Variants in TXNDC11 observed in about 807,000 individuals in gnomAD.
TXNDC11 encodes the protein thioredoxin domain-containing protein 11.
TXNDC11 carries 68 observed loss-of-function variants against 78.0 expected under a neutral mutation model. The observed-to-expected ratio is 0.87, with a 90% CI of 0.72 to 1.07. TXNDC11 has a LOEUF of 1.07. Among genes scored for constraint, TXNDC11 ranks in the 50% least tolerant of loss-of-function variants. The pLI is 0.00. For synonymous variants in TXNDC11, 571 were observed against 495.2 expected, an observed-to-expected ratio of 1.15 and a Z score of -2.03; for missense variants, 1,389 against 1,221.8, an observed-to-expected ratio of 1.14 and a Z score of -2.04.
At chr16:11,734,134 C>A (rs1339270656) in intron 2 of TXNDC11, 55 bp from the exon 3 acceptor site, 13 of 1,139,164 alleles carry the variant, frequency 1.1e-5, no homozygotes, top group Non-Finnish European at 1.5e-5. Flanking sequence ...GAAAAGTTAC[C>A]AAGATTTAAA....
At chr16:11,704,380 C>T (rs1486447351) in intron 5 of TXNDC11, among the ~76,000 whole-genome samples, 3 of 152,142 alleles carry the variant, frequency 2.0e-5, no homozygotes, top group Non-Finnish European at 2.9e-5. Context: ...GCAAGATCCA[C>T]TGATGGAGGC....
chr16:11,742,629 G>A lies in TXNDC11; in HGVS notation c.102C>T (p.Ser34=). 6.8e-7 allele frequency: 1 copy of A among 1,462,378 alleles called. No homozygotes were observed. The highest frequency in any genetic ancestry group is 9.0e-7 in the Non-Finnish European group (1 of 1,113,168). The allele number at this position is 1,462,378 out of a possible 1,614,324, so 90.6% of individuals were successfully genotyped here. The change falls in exon 1 of 12, where the codon AGC becomes AGT. Residue 34 remains serine (S), a synonymous_variant. Coordinates refer to ENST00000283033, the MANE Select transcript of TXNDC11 (RefSeq NM_015914.7). Reference sequence around the variant, plus strand: ...ACGCTGTGGCCAGGGTCGGGCTCGAGCTGAGGCAGTCTGAGCCCGCGGGGC... The same window carrying A: ...ACGCTGTGGCCAGGGTCGGGCTCGAACTGAGGCAGTCTGAGCCCGCGGGGC... ...GGGPAGSDCL[S]SSPTLATASS...
chr16:11,742,250 A>G, intron 1 of TXNDC11: 1 of 438,676 alleles, frequency 2.3e-6, no homozygotes, highest in South Asian at 5.0e-5. Flanking sequence ...AAGCGGGACG[A>G]TAGGGCGCAG....
chr16:11,716,482 G>A lies in TXNDC11; in HGVS notation c.793+5095C>T, dbSNP rs2051530264. 1.3e-5 allele frequency among the ~76,000 whole-genome samples: 2 copies of A among 152,172 alleles called. 1 individual carries two copies. The highest frequency in any genetic ancestry group is 4.1e-4 in the South Asian group (2 of 4,834). On this transcript the variant is annotated intron_variant, in intron 5 of 11. Transcript: ENST00000283033. ...GAACAGGCTTTGCAGTCCTGGAGGA[G>A]TAAAGTACAAGAGAGCTGATTTCCT... is the stretch of plus-strand genomic sequence containing the variant.
intron 7 of TXNDC11, among the ~76,000 whole-genome samples, chr16:11,695,406 A>C (rs886448028): frequency 3.3e-5 from 5 of 152,212 alleles, no homozygotes; most frequent in Admixed American, 1.3e-4. Flanking sequence ...CTCTCTTCTC[A>C]ACAATGCAAG....
intron 2 of TXNDC11, among the ~76,000 whole-genome samples, 164 bp downstream of exon 2, chr16:11,735,853 G>A (rs1331142418): frequency 6.6e-6 from 1 of 152,168 alleles, no homozygotes; most frequent in Non-Finnish European, 1.5e-5. Context: ...GCCACAATTG[G>A]AAATCCTTTC....
Position 11,742,494 on chromosome 16 carries a change from G to A in TXNDC11, c.237C>T (p.Ala79=). The change falls in exon 1 of 12, where the codon GCC becomes GCT. Residue 79 remains alanine, a synonymous_variant. Coordinates refer to ENST00000283033, the MANE Select transcript of TXNDC11 (RefSeq NM_015914.7). ...AVALGCALLL[A]LKFTCSRAKD... ...CGCCTCACCTGCAGGTGAACTTGAG[G>A]GCGAGGAGCAGCGCGCAGCCGAGCG... is the stretch of plus-strand genomic sequence containing the variant. 1.4e-6 allele frequency: 2 copies of A among 1,451,484 alleles called. No homozygotes were observed. The highest frequency in any genetic ancestry group is 1.8e-6 in the Non-Finnish European group (2 of 1,110,180). 89.9% of individuals were successfully genotyped at this position (1,451,484 alleles called of 1,614,324 possible). A position where few individuals can be genotyped will look rare whatever the true frequency, so the allele number is the denominator to read the frequency against.
At chr16:11,716,453 A>G (rs1203620402) in intron 5 of TXNDC11, among the ~76,000 whole-genome samples, 1 of 152,254 alleles carries the variant, frequency 6.6e-6, no homozygotes, top group Non-Finnish European at 1.5e-5. Flanking sequence ...AAATGTTACA[A>G]GAGGAACAGG....
rs527472691 is a variant in TXNDC11, at chr16:11,679,612, T to C, written c.2460A>G (p.Ala820=). 1 of 1,614,178 alleles carries C rather than the reference T, an allele frequency of 6.2e-7. No homozygotes were observed. Among genetic ancestry groups the C allele is most frequent in the African/African-American group, 1.3e-5 (1 of 75,050 alleles). ...AGAGCTGGGACTCCACCTGCACTTG[T>C]GCTCGCTGGAGGCTGCTTATTTCTG... ...LRAEISSLQR[A]QVQVESQLSS... is the part of the protein sequence containing the mutation. Residue 820 remains alanine, a synonymous_variant, in exon 12 of 12, where the codon GCA becomes GCG. Coordinates refer to ENST00000283033, the MANE Select transcript of TXNDC11 (RefSeq NM_015914.7). This position sits in a 1 kb window ranked among gnomAD's most constrained non-coding sequence, Gnocchi z 4.6.
At chr16:11,688,702 CT>C (rs1567296028) in intron 8 of TXNDC11, 1 of 303,356 alleles carries the variant, frequency 3.3e-6, no homozygotes, top group Non-Finnish European at 6.2e-6. Context: ...ATAGACTATT[CT>C]TTTTTTAAAA....
chr16:11,695,855 G>A (rs1176359664), intron 7 of TXNDC11, among the ~76,000 whole-genome samples: 5 of 151,930 alleles, frequency 3.3e-5, no homozygotes, highest in Non-Finnish European at 5.9e-5. Context: ...GTAACATGGC[G>A]AAACCCCATC....
At chr16:11,712,937 C>CACACAA (rs2051405324) in intron 5 of TXNDC11, among the ~76,000 whole-genome samples, 1 of 150,122 alleles carries the variant, frequency 6.7e-6, no homozygotes. Flanking sequence ...AAAACACACA[C>CACACAA]ACACACACAC....
chr16:11,735,389 C>T (rs760033487), intron 2 of TXNDC11, among the ~76,000 whole-genome samples: 7 of 152,160 alleles, frequency 4.6e-5, no homozygotes, highest in Non-Finnish European at 1.0e-4. Flanking sequence ...CTCTATGTTA[C>T]AATCCGTGCA....
At chr16:11,733,379 T>C (rs2052112519) in intron 3 of TXNDC11, among the ~76,000 whole-genome samples, 1 of 151,918 alleles carries the variant, frequency 6.6e-6, no homozygotes, top group Non-Finnish European at 1.5e-5. Flanking sequence ...CAAAAAAAAT[T>C]AGCTGGGCAG....
chr16:11,684,086 T>G, intron 11 of TXNDC11, 79 bp downstream of exon 11: 1 of 1,015,496 alleles, frequency 9.8e-7, no homozygotes, highest in Non-Finnish European at 1.5e-6. Context: ...ATGAATGATT[T>G]ACATCTTAAA....
intron 11 of TXNDC11, among the ~76,000 whole-genome samples, chr16:11,681,705 C>G (rs1403837322): frequency 6.6e-6 from 1 of 152,212 alleles, no homozygotes; most frequent in Non-Finnish European, 1.5e-5. Context: ...CAGGCCAGAG[C>G]ACCTATATTT....
chr16:11,714,986 C>CA (rs1237323654), intron 5 of TXNDC11, among the ~76,000 whole-genome samples: 1 of 152,170 alleles, frequency 6.6e-6, no homozygotes, highest in Admixed American at 6.5e-5. Context: ...CGTGGTGGCT[C>CA]ACGCCTGTAA....
At chr16:11,742,420 C>T in intron 1 of TXNDC11, 57 bp downstream of exon 1, 10 of 1,310,490 alleles carry the variant, frequency 7.6e-6, no homozygotes, top group Non-Finnish European at 9.8e-6. Flanking sequence ...CTGCAGGCTC[C>T]AGGCGGCAGA....
Position 11,698,237 on chromosome 16 carries a change from C to T in TXNDC11, c.995G>A (p.Arg332Gln), listed in dbSNP as rs769408523. The T allele has an allele frequency of 8.1e-6, 13 of 1,613,992 alleles. No homozygotes were observed. The highest frequency in any genetic ancestry group is 2.7e-5 in the African/African-American group (2 of 74,906). The change falls in exon 7 of 12, where the codon CGG becomes CAG. Residue 332 changes from arginine to glutamine, a missense_variant. Coordinates refer to ENST00000283033, the MANE Select transcript of TXNDC11 (RefSeq NM_015914.7). Reference sequence around the variant, plus strand: ...CAGGAGACTCTTGCCTCCGTGTGGCCGCAGCCACCGAAAGAGCGTCTCCTG... The same window carrying T: ...CAGGAGACTCTTGCCTCCGTGTGGCTGCAGCCACCGAAAGAGCGTCTCCTG... Reference protein sequence around the residue: ...ENQETLFRWLRPHGGKSLLLN... With the variant: ...ENQETLFRWLQPHGGKSLLLN...
Sources: gnomAD v4.1 joint callset for allele counts (sites outside exome capture counted in the v4.1 genomes callset) on GRCh38, gnomAD v4.1.1 for gene constraint, Gnocchi (gnomAD v3.1) non-coding constraint, MANE v1.5 for transcripts, NCBI Gene and HGNC (gene_info 2026-07-23, HGNC 2026-07-21) for gene names.